Variants in SRBD1 observed in about 807,000 individuals in gnomAD.
SRBD1 encodes S1 RNA-binding domain-containing protein 1.
In SRBD1, 88 loss-of-function variants were observed where a neutral mutation model predicts 115.3. The observed-to-expected ratio is 0.76, with a 90% CI of 0.64 to 0.91. The LOEUF (loss-of-function observed/expected upper bound fraction) is 0.91, where lower values mean the gene tolerates loss of function less well. Among genes scored for constraint, SRBD1 ranks in the 40% least tolerant of loss-of-function variants. SRBD1 has a pLI of 0.00. For missense variants in SRBD1, 1,385 were observed against 1,177.4 expected, an observed-to-expected ratio of 1.18 and a Z score of -2.58; for synonymous variants, 509 against 407.7, an observed-to-expected ratio of 1.25 and a Z score of -2.99.
intron 15 of SRBD1, among the ~76,000 whole-genome samples, chr2:45,483,476 A>C (rs990869452): frequency 6.6e-6 from 1 of 151,956 alleles, no homozygotes. Flanking sequence ...ATTTCTCCTC[A>C]CTCATAATAT....
chr2:45,591,231 CATGCAG>C (rs1280394393), intron 4 of SRBD1, among the ~76,000 whole-genome samples: 1 of 152,190 alleles, frequency 6.6e-6, no homozygotes, highest in East Asian at 1.9e-4. Flanking sequence ...CAGATGGCAA[CATGCAG>C]ATTGATAACC....
chr2:45,545,749 A>C (rs1672097029), intron 14 of SRBD1, among the ~76,000 whole-genome samples: 1 of 152,176 alleles, frequency 6.6e-6, no homozygotes, highest in South Asian at 2.1e-4. Flanking sequence ...CATGGCACCT[A>C]TCGGTTTGTT....
At chr2:45,596,950 A>ACC (rs1553362256) in intron 4 of SRBD1, among the ~76,000 whole-genome samples, 48 of 145,746 alleles carry the variant, frequency 3.3e-4, no homozygotes, top group Middle Eastern at 3.5e-3. Context: ...ACACACACAC[A>ACC]CCCACAACCC....
intron 20 of SRBD1, among the ~76,000 whole-genome samples, chr2:45,389,859 C>G (rs6758255): frequency 1.3e-5 from 2 of 152,002 alleles, no homozygotes; most frequent in Admixed American, 1.3e-4. Context: ...ACATAAGGAT[C>G]GAGAAGACAG....
At chr2:45,414,934 G>C (rs1312834342) in intron 18 of SRBD1, among the ~76,000 whole-genome samples, 1 of 106,674 alleles carries the variant, frequency 9.4e-6, no homozygotes, top group Non-Finnish European at 1.7e-5. Flanking sequence ...TACACACACA[G>C]TGTTATATAG....
At chr2:45,450,227 C>T (rs868641194) in intron 16 of SRBD1, among the ~76,000 whole-genome samples, 3 of 152,100 alleles carry the variant, frequency 2.0e-5, no homozygotes, top group South Asian at 2.1e-4. Context: ...AATTGGCACA[C>T]TTGGAAGCAT....
chr2:45,517,316 C>T (rs556463354), intron 14 of SRBD1, among the ~76,000 whole-genome samples: 4 of 152,292 alleles, frequency 2.6e-5, no homozygotes, highest in African/African-American at 9.6e-5. Context: ...TTACGACTAT[C>T]ACATTGCTTT....
intron 14 of SRBD1, among the ~76,000 whole-genome samples, chr2:45,489,377 A>T (rs1670224446): frequency 6.6e-6 from 1 of 152,192 alleles, no homozygotes; most frequent in African/African-American, 2.4e-5. Flanking sequence ...CCACTGTAAC[A>T]ACTGAACATT....
intron 10 of SRBD1, among the ~76,000 whole-genome samples, chr2:45,562,240 T>C (rs1383992075): frequency 1.3e-5 from 2 of 152,182 alleles, no homozygotes; most frequent in African/African-American, 4.8e-5. Context: ...GTTTGTTTGT[T>C]TTCTTGAGAT....
In SRBD1 at chr2:45,420,000, A is replaced by G. The variant is rs1407436181; in HGVS notation, c.2050-106T>C. On this transcript the variant is annotated intron_variant, in intron 16 of 20. Transcript: ENST00000263736. Reference sequence around the variant, plus strand: ...TGGTTAGCTAACACACACCATGGTAAATTTCTTCATTCCTCTTAGACACAC... The same window carrying G: ...TGGTTAGCTAACACACACCATGGTAGATTTCTTCATTCCTCTTAGACACAC... The G allele has an allele frequency of 1.4e-5, 14 of 987,088 alleles. No homozygotes were observed. The East Asian group carries it at 3.3e-4, about 23-fold the overall frequency. The allele number at this position is 987,088 out of a possible 1,614,324, so 61.1% of individuals were successfully genotyped here. A position where few individuals can be genotyped will look rare whatever the true frequency, so the allele number is the denominator to read the frequency against.
chr2:45,581,556 A>C, intron 6 of SRBD1, 137 bp downstream of exon 6: 2 of 624,924 alleles, frequency 3.2e-6, no homozygotes, highest in Non-Finnish European at 5.4e-6. Flanking sequence ...TATTGAATAA[A>C]GAATAAATAT....
chr2:45,508,670 A>C (rs574070173), intron 14 of SRBD1, among the ~76,000 whole-genome samples: 22 of 152,196 alleles, frequency 1.4e-4, no homozygotes, highest in Non-Finnish European at 2.9e-4. Flanking sequence ...GTTAGAATAC[A>C]AACTCAATGT....
At chr2:45,544,232 CAAAAAAAAAAA>C (rs777800446) in intron 14 of SRBD1, among the ~76,000 whole-genome samples, 3 of 72,286 alleles carry the variant, frequency 4.2e-5, no homozygotes, top group Non-Finnish European at 8.0e-5. Context: ...GACTCCGGCT[CAAAAAAAAAAA>C]AAAAAAAAAA....
chr2:45,405,608 T>C (rs1037073493), intron 19 of SRBD1, among the ~76,000 whole-genome samples: 2 of 151,910 alleles, frequency 1.3e-5, no homozygotes, highest in South Asian at 2.1e-4. Flanking sequence ...AGGAAGCAAG[T>C]AGAACAAGTA....
chr2:45,459,278 A>G (rs958147293), intron 16 of SRBD1, among the ~76,000 whole-genome samples: 4 of 152,186 alleles, frequency 2.6e-5, no homozygotes, highest in Admixed American at 2.0e-4. Context: ...TTAAATGCCT[A>G]TCTTTCCCTG....
At chr2:45,447,848 T>G (rs1349000011) in intron 16 of SRBD1, 2 of 152,210 alleles carry the variant, frequency 1.3e-5, no homozygotes, top group Non-Finnish European at 2.9e-5. Flanking sequence ...GTACCATTCC[T>G]TGGGGCAGAG....
intron 16 of SRBD1, among the ~76,000 whole-genome samples, chr2:45,472,595 G>A (rs1481102602): frequency 3.9e-5 from 6 of 152,154 alleles, no homozygotes; most frequent in Non-Finnish European, 7.4e-5. Flanking sequence ...ATGATCTCCT[G>A]CCTCAGTGTT....
chr2:45,400,426 C>T (rs1325810527), intron 19 of SRBD1, among the ~76,000 whole-genome samples: 4 of 152,100 alleles, frequency 2.6e-5, no homozygotes, highest in African/African-American at 9.7e-5. Flanking sequence ...TGGCCAGCAA[C>T]TCCCTCACAC....
At chr2:45,475,676 C>T (rs2103815834) in intron 16 of SRBD1, among the ~76,000 whole-genome samples, 1 of 152,162 alleles carries the variant, frequency 6.6e-6, no homozygotes, top group East Asian at 1.9e-4. Context: ...CACTATAATG[C>T]CTATATCACA....
Sources: allele counts gnomAD v4.1 joint callset (sites outside exome capture counted in the v4.1 genomes callset), GRCh38; gene constraint gnomAD v4.1.1; transcripts MANE v1.5; gene names NCBI Gene and HGNC (gene_info 2026-07-23, HGNC 2026-07-21).